The following ZNF407 variants were observed in gnomAD, a reference collection of about 807,000 sequenced individuals.
The protein encoded by ZNF407 is zinc finger protein 407.
In ZNF407, 17 loss-of-function variants were observed where a neutral mutation model predicts 131.2. The ratio of observed to expected loss-of-function variants is 0.13; its 90% confidence interval spans 0.09 to 0.19. The LOEUF is 0.19. Among genes scored for constraint, ZNF407 ranks in the 10% least tolerant of loss-of-function variants. ZNF407 has a pLI of 1.00. For synonymous variants in ZNF407, 1,156 were observed against 1,062.0 expected, an observed-to-expected ratio of 1.09 and a Z score of -1.72; for missense variants, 2,681 against 2,830.6, an observed-to-expected ratio of 0.95 and a Z score of 1.20.
intron 4 of ZNF407, among the ~76,000 whole-genome samples, chr18:74,786,003 A>T (rs896842389): frequency 1.3e-5 from 2 of 152,222 alleles, no homozygotes; most frequent in African/African-American, 4.8e-5. Context: ...AGCTTAGATG[A>T]TGTTATATGA....
chr18:75,052,193 A>C (rs1283780338), intron 8 of ZNF407, among the ~76,000 whole-genome samples: 2 of 152,204 alleles, frequency 1.3e-5, no homozygotes, highest in African/African-American at 4.8e-5. Context: ...TTTCAAGAAA[A>C]CATGGAAATG....
chr18:74,741,782 A>G (rs1968556375), intron 3 of ZNF407, among the ~76,000 whole-genome samples: 1 of 152,136 alleles, frequency 6.6e-6, no homozygotes, highest in South Asian at 2.1e-4. Context: ...CCCCTCAGAT[A>G]TCAGTCATAG....
In ZNF407 at chr18:74,949,539, A is replaced by G. The variant is rs916159288; in HGVS notation, c.5428+28847A>G. 2.6e-5 allele frequency among the ~76,000 whole-genome samples: 4 copies of G among 152,312 alleles called. No homozygotes were observed. In the South Asian group the frequency reaches 8.3e-4, roughly 32 times the overall value. On this transcript the variant is annotated intron_variant, in intron 8 of 8. Coordinates refer to ENST00000299687, the MANE Select transcript of ZNF407 (RefSeq NM_017757.3). ...GAGGAAAGCAAAATCCCTGTTACTG[A>G]AATATCAATACTTTCCTCAAAATCC...
At chr18:74,876,399 C>T (rs1971156673) in intron 4 of ZNF407, among the ~76,000 whole-genome samples, 1 of 152,110 alleles carries the variant, frequency 6.6e-6, no homozygotes, top group Non-Finnish European at 1.5e-5. Context: ...TAAATGTTAG[C>T]AACTATTTCA....
At chr18:74,964,154 A>C (rs1972381581) in intron 8 of ZNF407, among the ~76,000 whole-genome samples, 1 of 152,204 alleles carries the variant, frequency 6.6e-6, no homozygotes, top group African/African-American at 2.4e-5. Flanking sequence ...ACAGACTTTC[A>C]TATGTAGCTC....
intron 7 of ZNF407, among the ~76,000 whole-genome samples, chr18:74,910,036 A>G (rs1410255098): frequency 4.6e-5 from 7 of 152,198 alleles, no homozygotes; most frequent in Non-Finnish European, 8.8e-5. Context: ...TGGAGAACAA[A>G]TGGAAACAAC....
intron 1 of ZNF407, among the ~76,000 whole-genome samples, chr18:74,599,341 A>T (rs1982471817): frequency 6.6e-6 from 1 of 152,198 alleles, no homozygotes; most frequent in South Asian, 2.1e-4. Context: ...GGAATAAATT[A>T]AGATTTACAG....
intron 4 of ZNF407, among the ~76,000 whole-genome samples, chr18:74,828,161 G>A (rs576329112): frequency 1.3e-5 from 2 of 152,296 alleles, no homozygotes; most frequent in Admixed American, 1.3e-4. Context: ...GGGTAACTGG[G>A]ACGACCAGAG....
intron 3 of ZNF407, among the ~76,000 whole-genome samples, chr18:74,775,543 C>T (rs1969451103): frequency 6.6e-6 from 1 of 152,192 alleles, no homozygotes; most frequent in South Asian, 2.1e-4. Context: ...TCCCACAAAT[C>T]TATTTTCTTA....
At chr18:74,617,386 C>T (rs1295683090) in intron 1 of ZNF407, among the ~76,000 whole-genome samples, 1 of 152,228 alleles carries the variant, frequency 6.6e-6, no homozygotes, top group South Asian at 2.1e-4. Flanking sequence ...GCATTTTCCT[C>T]CTGCCAGCAC....
chr18:74,805,213 G>A (rs1970091328), intron 4 of ZNF407, among the ~76,000 whole-genome samples: 1 of 152,088 alleles, frequency 6.6e-6, no homozygotes, highest in Non-Finnish European at 1.5e-5. Flanking sequence ...TTTCATTTCA[G>A]AACTTCTATA....
At chr18:74,854,789 C>T (rs1277989684) in intron 4 of ZNF407, among the ~76,000 whole-genome samples, 2 of 152,102 alleles carry the variant, frequency 1.3e-5, no homozygotes, top group Non-Finnish European at 2.9e-5. Context: ...ACCCATGCAG[C>T]TTAAGACATG....
chr18:74,966,522 T>C (rs543354252), intron 8 of ZNF407, among the ~76,000 whole-genome samples: 61 of 152,294 alleles, frequency 4.0e-4, no homozygotes, highest in African/African-American at 1.4e-3. Flanking sequence ...CCTGGGTCTG[T>C]GTGTCTGTTT....
intron 3 of ZNF407, among the ~76,000 whole-genome samples, chr18:74,780,974 G>C (rs1026692848): frequency 3.3e-5 from 5 of 152,032 alleles, no homozygotes; most frequent in African/African-American, 9.7e-5. Flanking sequence ...CTCTCTTCAA[G>C]TTATTACCAT....
At chr18:74,601,313 GTGTGTGTGTGTATGTC>G (rs1056168850) in intron 1 of ZNF407, among the ~76,000 whole-genome samples, 1 of 136,162 alleles carries the variant, frequency 7.3e-6, no homozygotes, top group Non-Finnish European at 1.5e-5. Flanking sequence ...AGTTGTGTGT[GTGTGTGTGTGTATGTC>G]TGTGTGTGTG....
At chr18:75,050,526 C>G (rs1973488034) in intron 8 of ZNF407, among the ~76,000 whole-genome samples, 1 of 152,154 alleles carries the variant, frequency 6.6e-6, no homozygotes, top group Non-Finnish European at 1.5e-5. Flanking sequence ...TTCCTGAGTC[C>G]AAACTCCCAC....
chr18:75,060,507 C>CTTTTTTTTTTTTTTTTTTT (rs564194650), intron 8 of ZNF407, among the ~76,000 whole-genome samples: 10 of 124,452 alleles, frequency 8.0e-5, no homozygotes, highest in East Asian at 2.3e-4. Context: ...TTCTTTTTTT[C>CTTTTTTTTTTTTTTTTTTT]TTTTTTTTTT....
chr18:74,820,804 A>C (rs1970329928), intron 4 of ZNF407, among the ~76,000 whole-genome samples: 1 of 152,090 alleles, frequency 6.6e-6, no homozygotes, highest in African/African-American at 2.4e-5. Context: ...CTATGATGGA[A>C]GATGTCACGA....
intron 3 of ZNF407, among the ~76,000 whole-genome samples, chr18:74,709,558 T>C (rs1306652564): frequency 1.3e-5 from 2 of 152,232 alleles, no homozygotes; most frequent in African/African-American, 2.4e-5. Context: ...TTATCCAGCA[T>C]GGCTAGGCAG....
Sources: gnomAD v4.1 joint callset for allele counts (sites outside exome capture counted in the v4.1 genomes callset) on GRCh38, gnomAD v4.1.1 for gene constraint, MANE v1.5 for transcripts, NCBI Gene and HGNC (gene_info 2026-07-23, HGNC 2026-07-21) for gene names.